DLG2: variants seen among roughly 807,000 people sequenced by gnomAD.
DLG2 encodes the protein discs large MAGUK scaffold protein 2.
Under a neutral mutation model 132.5 loss-of-function variants are expected in DLG2, and 45 were observed. The observed-to-expected ratio is 0.34, with a 90% CI of 0.27 to 0.44. The LOEUF is 0.44. Among genes scored for constraint, DLG2 ranks in the 20% least tolerant of loss-of-function variants. The probability of loss-of-function intolerance (pLI) is 1.00; values close to 1 mark genes in which losing one functional copy is unlikely to be tolerated. For missense variants in DLG2, 1,045 were observed against 1,196.9 expected, an observed-to-expected ratio of 0.87 and a Z score of 1.87; for synonymous variants, 424 against 419.6, an observed-to-expected ratio of 1.01 and a Z score of -0.13.
At chr11:84,442,501 G>A (rs1360793227) in intron 7 of DLG2, among the ~76,000 whole-genome samples, 1 of 151,970 alleles carries the variant, frequency 6.6e-6, no homozygotes, top group Admixed American at 6.6e-5. Context: ...ACCCAGGGAG[G>A]GGAACATCAC....
rs541507801 is a variant in DLG2, at chr11:84,256,791, A to C, written c.520-5500T>G. On this transcript the variant is annotated intron_variant, in intron 7 of 27. Transcript: ENST00000376104. Reference sequence around the variant, plus strand: ...AAAATGGAAGCCACTGAAAGTTTGAAAATGAGTCCTGTATGTGGGTGTATG... The same window carrying C: ...AAAATGGAAGCCACTGAAAGTTTGACAATGAGTCCTGTATGTGGGTGTATG... 2.0e-5 allele frequency among the ~76,000 whole-genome samples: 3 copies of C among 152,256 alleles called. No homozygotes were observed. In the East Asian group the frequency reaches 5.8e-4, roughly 29 times the overall value.
chr11:84,685,071 G>A (rs1034453612), intron 6 of DLG2, among the ~76,000 whole-genome samples: 2 of 152,146 alleles, frequency 1.3e-5, no homozygotes, highest in Admixed American at 1.3e-4. Flanking sequence ...AAGCATCCAG[G>A]CATTCCTATT....
chr11:84,802,871 C>A (rs1397813868), intron 6 of DLG2, among the ~76,000 whole-genome samples: 1 of 152,138 alleles, frequency 6.6e-6, no homozygotes, highest in Non-Finnish European at 1.5e-5. Flanking sequence ...GCGATCTCGG[C>A]TCACTGCAAC....
At chr11:83,634,411 C>A (rs1388871863) in intron 18 of DLG2, among the ~76,000 whole-genome samples, 2 of 152,058 alleles carry the variant, frequency 1.3e-5, no homozygotes, top group African/African-American at 2.4e-5. Flanking sequence ...AACCTAGAAA[C>A]TTCTATCATT....
intron 10 of DLG2, among the ~76,000 whole-genome samples, chr11:84,064,659 G>C (rs1182268093): frequency 6.6e-6 from 1 of 152,108 alleles, no homozygotes; most frequent in African/African-American, 2.4e-5. Context: ...ACGAAAAAGA[G>C]ACAAGAAGCA....
intron 10 of DLG2, among the ~76,000 whole-genome samples, chr11:84,089,295 C>CA (rs1029004299): frequency 6.6e-6 from 1 of 152,040 alleles, no homozygotes; most frequent in African/African-American, 2.4e-5. Flanking sequence ...AAAAAACAAA[C>CA]AAAAAAACCA....
intron 19 of DLG2, among the ~76,000 whole-genome samples, chr11:83,598,305 C>T (rs777233543): frequency 3.3e-5 from 5 of 152,208 alleles, no homozygotes; most frequent in Non-Finnish European, 7.3e-5. Flanking sequence ...CCCAGCAAAA[C>T]GTTTCAGAAA....
At chr11:84,577,188 C>T (rs1446398403) in intron 6 of DLG2, among the ~76,000 whole-genome samples, 1 of 152,156 alleles carries the variant, frequency 6.6e-6, no homozygotes, top group Non-Finnish European at 1.5e-5. Flanking sequence ...CCAATTAAAC[C>T]TCTTTTTGTT....
At chr11:85,117,258 A>T (rs1326200758) in intron 5 of DLG2, among the ~76,000 whole-genome samples, 1 of 152,058 alleles carries the variant, frequency 6.6e-6, no homozygotes, top group Non-Finnish European at 1.5e-5. Flanking sequence ...GACTGAGGAA[A>T]GTGTCCATGA....
chr11:84,096,233 T>C (rs915695631), intron 10 of DLG2, among the ~76,000 whole-genome samples: 1 of 152,090 alleles, frequency 6.6e-6, no homozygotes, highest in African/African-American at 2.4e-5. Flanking sequence ...TACCTACTTA[T>C]ATGGCTACTG....
In DLG2 at chr11:83,794,437, GTTTTTTTTTTTTTTTT is replaced by G. The variant is rs200672667; in HGVS notation, c.1723-7661_1723-7646del. On this transcript the variant is annotated intron_variant, in intron 17 of 27. Transcript: ENST00000376104. ...ACACAGCCTCATATATTTACTATTGGTTTTTTTTTTTTTTTTTTTTTTTTTTGCTTCAGTTTGAACT... is the reference window on the plus strand; with the variant it reads ...ACACAGCCTCATATATTTACTATTGGTTTTTTTTTTGCTTCAGTTTGAACT... 1.6e-4 allele frequency among the ~76,000 whole-genome samples: 20 copies of G among 127,476 alleles called. No individual in the cohort carries two copies. In the East Asian group the frequency reaches 3.1e-3, roughly 20 times the overall value. The allele number at this position is 127,476 out of a possible 152,430, so 83.6% of individuals were successfully genotyped here. A position where few individuals can be genotyped will look rare whatever the true frequency, so the allele number is the denominator to read the frequency against.
intron 15 of DLG2, among the ~76,000 whole-genome samples, chr11:83,885,545 C>G (rs865990747): frequency 1.3e-5 from 2 of 152,320 alleles, no homozygotes; most frequent in Middle Eastern, 6.8e-3. Context: ...TCCAGGAGAA[C>G]TTCCCCAATC....
chr11:85,533,046 C>T (rs1293451082), intron 3 of DLG2, among the ~76,000 whole-genome samples: 2 of 144,484 alleles, frequency 1.4e-5, no homozygotes, highest in South Asian at 2.2e-4. Context: ...TGTTTTGAGA[C>T]GGAGTCTCAG....
rs1410316431 is a variant in DLG2 at position 84,001,340 on chromosome 11, TA to T, written c.920-20699del. Among the ~76,000 whole-genome samples the T allele has an allele frequency of 2.3e-5, 3 of 128,934 alleles. No homozygotes were observed. The East Asian group carries it at 6.8e-4, about 29-fold the overall frequency. 84.6% of individuals were successfully genotyped at this position (128,934 alleles called of 152,430 possible). A position where few individuals can be genotyped will look rare whatever the true frequency, so the allele number is the denominator to read the frequency against. ...ACTTCAAGTAAAAAAAAAAAAACAG[TA>T]AAAAAGAGAAATCAGAAAATTATAT... On this transcript the variant is annotated intron_variant, in intron 11 of 27. Transcript: ENST00000376104.
At chr11:84,766,098 A>G (rs1176339644) in intron 6 of DLG2, among the ~76,000 whole-genome samples, 1 of 151,988 alleles carries the variant, frequency 6.6e-6, no homozygotes, top group Non-Finnish European at 1.5e-5. Context: ...TGCATCACCT[A>G]ACTTATTACT....
chr11:85,169,430 A>G (rs1285443429), intron 4 of DLG2, among the ~76,000 whole-genome samples: 1 of 152,194 alleles, frequency 6.6e-6, no homozygotes, highest in Middle Eastern at 3.2e-3. Flanking sequence ...GTGCACATAC[A>G]AACTATGTAT....
chr11:85,152,514 C>A (rs2077323600), intron 5 of DLG2, among the ~76,000 whole-genome samples: 1 of 152,034 alleles, frequency 6.6e-6, no homozygotes. Flanking sequence ...GCTGGGATTA[C>A]ACCTTGGCCT....
intron 7 of DLG2, among the ~76,000 whole-genome samples, chr11:84,509,281 A>G (rs1257288330): frequency 6.6e-6 from 1 of 152,206 alleles, no homozygotes; most frequent in Non-Finnish European, 1.5e-5. Context: ...GAAGCAACAA[A>G]TAAGATGGCC....
In DLG2 at chr11:84,946,691, AAC is replaced by A. The variant is rs2050242892; in HGVS notation, c.357+164968_357+164969del. 2.6e-5 allele frequency among the ~76,000 whole-genome samples: 4 copies of A among 152,268 alleles called. No individual in the cohort carries two copies. In the South Asian group the frequency reaches 8.3e-4, roughly 32 times the overall value. On this transcript the variant is annotated intron_variant, in intron 6 of 27. Transcript: ENST00000376104. ...TGCTGTCTGTGGTTGAGAGAGAGGAAACACAAGTGCTTCCTTGGCCACCCTAG... is the reference window on the plus strand; with the variant it reads ...TGCTGTCTGTGGTTGAGAGAGAGGAAACAAGTGCTTCCTTGGCCACCCTAG...
Sources: gnomAD v4.1 joint callset for allele counts (sites outside exome capture counted in the v4.1 genomes callset) on GRCh38, gnomAD v4.1.1 for gene constraint, MANE v1.5 for transcripts, NCBI Gene and HGNC (gene_info 2026-07-23, HGNC 2026-07-21) for gene names.